The following RPS27L variants were observed in gnomAD, a reference collection of about 807,000 sequenced individuals.
RPS27L encodes the protein ribosomal protein eS27-like.
Under a neutral mutation model 12.8 loss-of-function variants are expected in RPS27L, and 10 were observed. The observed-to-expected ratio is 0.78, with a 90% confidence interval of 0.48 to 1.33. The LOEUF (loss-of-function observed/expected upper bound fraction) is 1.33, where lower values mean the gene tolerates loss of function less well. Among genes scored for constraint, RPS27L ranks in the 40% most tolerant of loss-of-function variants. The pLI is 0.00. For missense variants in RPS27L, 81 were observed against 97.4 expected, an observed-to-expected ratio of 0.83 and a Z score of 0.71; for synonymous variants, 26 against 32.3, an observed-to-expected ratio of 0.81 and a Z score of 0.66.
In RPS27L at chr15:63,153,947, G is replaced by T; in HGVS notation, c.*85C>A. 8.8e-7 allele frequency: 1 copy of T among 1,135,400 alleles called. No homozygotes were observed. The highest frequency in any genetic ancestry group is 1.3e-6 in the Non-Finnish European group (1 of 753,574). The allele number at this position is 1,135,400 out of a possible 1,614,324, so 70.3% of individuals were successfully genotyped here. ...AAACCAAATGTAATTACATTATCTTGGTAAATTAATTAGAATTATGGAATT... is the reference window on the plus strand; with the variant it reads ...AAACCAAATGTAATTACATTATCTTTGTAAATTAATTAGAATTATGGAATT... On this transcript the variant is annotated 3_prime_UTR_variant, in exon 4 of 4. Coordinates refer to ENST00000330964, the MANE Select transcript of RPS27L (RefSeq NM_015920.4).
chr15:63,153,136 G>A lies in RPS27L; in HGVS notation c.*896C>T, dbSNP rs1407193063. The A allele has an allele frequency of 1.3e-5, 2 of 152,154 alleles. No homozygotes were observed. The highest frequency in any genetic ancestry group is 4.8e-5 in the African/African-American group (2 of 41,428). 9.4% of individuals were successfully genotyped at this position (152,154 alleles called of 1,614,324 possible). A position where few individuals can be genotyped will look rare whatever the true frequency, so the allele number is the denominator to read the frequency against. The stretch of plus-strand genomic sequence containing the variant: ...TGTAGTCAGGAGTGCTCACCTATCT[G>A]GGCCAGAGAATTCAACACCATCTAC... On this transcript the variant is annotated 3_prime_UTR_variant, in exon 4 of 4. Transcript: ENST00000330964.
At position 63,149,683 on chromosome 15, in the gene RPS27L, GAAT is replaced by G. The variant is rs970809205; in HGVS notation, c.*4346_*4348del. ...TACAACTTTATATTCTGTGGTAGCA[GAAT>G]AATGGCCCTCTAAAGATTCCCACAC... On this transcript the variant is annotated 3_prime_UTR_variant, in exon 4 of 4. Coordinates refer to ENST00000330964, the MANE Select transcript of RPS27L (RefSeq NM_015920.4). 3.3e-5 allele frequency: 5 copies of G among 152,186 alleles called. No homozygotes were observed. The highest frequency in any genetic ancestry group is 1.2e-4 in the African/African-American group (5 of 41,502). 9.4% of individuals were successfully genotyped at this position (152,186 alleles called of 1,614,324 possible).
intron 1 of RPS27L, 32 bp downstream of exon 1, chr15:63,157,368 A>G (rs2037339851): frequency 1.2e-6 from 2 of 1,613,792 alleles, no homozygotes; most frequent in Non-Finnish European, 1.7e-6. Flanking sequence ...AGAAGCCCAA[A>G]ACAAACCCGG....
At chr15:63,156,315 C>G (rs947729615) in intron 2 of RPS27L, 98 bp downstream of exon 2, 2 of 625,428 alleles carry the variant, frequency 3.2e-6, no homozygotes, top group Non-Finnish European at 5.6e-6. Context: ...CCCACTTCTA[C>G]TCAACAGAGG....
chr15:63,152,364 G>T lies in RPS27L; in HGVS notation c.*1668C>A, dbSNP rs946191863. On this transcript the variant is annotated 3_prime_UTR_variant, in exon 4 of 4. Transcript: ENST00000330964. Reference sequence around the variant, plus strand: ...GTTGTTAGAACATAAGTTAATAAATGTAACTGTTAGGTATTTCTTTTGGCC... The same window carrying T: ...GTTGTTAGAACATAAGTTAATAAATTTAACTGTTAGGTATTTCTTTTGGCC... 6.6e-6 allele frequency: 1 copy of T among 151,918 alleles called. No individual in the cohort carries two copies. The highest frequency in any genetic ancestry group is 1.5e-5 in the Non-Finnish European group (1 of 68,006). 9.4% of individuals were successfully genotyped at this position (151,918 alleles called of 1,614,324 possible).
intron 1 of RPS27L, chr15:63,156,772 CCTT>C (rs2037335266): frequency 3.4e-6 from 2 of 589,482 alleles, no homozygotes; most frequent in Middle Eastern, 4.4e-4. Context: ...CAAACTTTGT[CCTT>C]CTTTACTCAA....
At chr15:63,154,885 G>T (rs1045388275) in intron 3 of RPS27L, 15 of 150,292 alleles carry the variant, frequency 1.0e-4, no homozygotes, top group African/African-American at 3.4e-4. Context: ...TTATATATTA[G>T]CTATCTGTTG....
chr15:63,153,840 G>T lies in RPS27L; in HGVS notation c.*192C>A. The stretch of plus-strand genomic sequence containing the variant: ...CATACTCAAATATATTTTAAAAAAA[G>T]AAAAAGAGGGGATTTGCCCATAATC... On this transcript the variant is annotated 3_prime_UTR_variant, in exon 4 of 4. Coordinates refer to ENST00000330964, the MANE Select transcript of RPS27L (RefSeq NM_015920.4). 1 of 540,658 alleles carries T rather than the reference G, an allele frequency of 1.8e-6. No homozygotes were observed. The allele number at this position is 540,658 out of a possible 1,614,324, so 33.5% of individuals were successfully genotyped here. A position where few individuals can be genotyped will look rare whatever the true frequency, so the allele number is the denominator to read the frequency against.
chr15:63,155,435 T>C, intron 3 of RPS27L, 186 bp downstream of exon 3: 1 of 426,960 alleles, frequency 2.3e-6, no homozygotes, highest in Non-Finnish European at 4.2e-6. Flanking sequence ...AATAAGTCAA[T>C]GGAGTTCACT....
chr15:63,155,558 G>A (rs762868215), intron 3 of RPS27L, 63 bp downstream of exon 3: 2 of 1,036,892 alleles, frequency 1.9e-6, no homozygotes, highest in Non-Finnish European at 1.4e-6. Flanking sequence ...ACTTTTCAGT[G>A]AAGATAGAGA....
Position 63,157,465 on chromosome 15 carries a change from G to A in RPS27L, c.-60C>T. 1.2e-6 allele frequency: 2 copies of A among 1,602,404 alleles called. No homozygotes were observed. The highest frequency in any genetic ancestry group is 1.7e-6 in the Non-Finnish European group (2 of 1,169,548). ...TCCCAGCCCACACAGCTAGCAAGCT[G>A]CAAGCGATCTGCGCTCGGCATCAAC... On this transcript the variant is annotated 5_prime_UTR_variant, in exon 1 of 4. Transcript: ENST00000330964.
At chr15:63,154,206 C>G (rs924318025) in intron 3 of RPS27L, 146 bp from the exon 4 acceptor site, 4 of 635,388 alleles carry the variant, frequency 6.3e-6, no homozygotes, top group African/African-American at 5.6e-5. Flanking sequence ...CCTTTTATAC[C>G]AGAAATTTGC....
Position 63,153,796 on chromosome 15 carries a change from C to A in RPS27L, c.*236G>T. 1.0e-5 allele frequency: 5 copies of A among 480,884 alleles called. No homozygotes were observed. The highest frequency in any genetic ancestry group is 3.7e-5 in the South Asian group (1 of 27,100). The allele number at this position is 480,884 out of a possible 1,614,324, so 29.8% of individuals were successfully genotyped here. The stretch of plus-strand genomic sequence containing the variant: ...ATGTTTAAACCAAATTCATATACAC[C>A]ATATATATAAATGTATGGCATACTC... On this transcript the variant is annotated 3_prime_UTR_variant, in exon 4 of 4. Coordinates refer to ENST00000330964, the MANE Select transcript of RPS27L (RefSeq NM_015920.4).
intron 1 of RPS27L, 116 bp downstream of exon 1, chr15:63,157,284 G>T: frequency 1.7e-6 from 2 of 1,176,106 alleles, no homozygotes; most frequent in Non-Finnish European, 2.5e-6. Flanking sequence ...CGCAACCTGA[G>T]CCGCCTCGCC....
rs2037291440 is a variant in RPS27L at position 63,150,240 on chromosome 15, C to T, written c.*3792G>A. The T allele has an allele frequency of 1.3e-5, 2 of 152,134 alleles. No homozygotes were observed. Among genetic ancestry groups the T allele is most frequent in the South Asian group, 2.1e-4 (1 of 4,830 alleles). The allele number at this position is 152,134 out of a possible 1,614,324, so 9.4% of individuals were successfully genotyped here. A position where few individuals can be genotyped will look rare whatever the true frequency, so the allele number is the denominator to read the frequency against. On this transcript the variant is annotated 3_prime_UTR_variant, in exon 4 of 4. Transcript: ENST00000330964. ...AAAACATTATGCTAAGTGAAACATACAGAAGCTACATACCATGTGATTCCA... is the reference window on the plus strand; with the variant it reads ...AAAACATTATGCTAAGTGAAACATATAGAAGCTACATACCATGTGATTCCA...
At position 63,150,548 on chromosome 15, in the gene RPS27L, A is replaced by T. The variant is rs1170357047; in HGVS notation, c.*3484T>A. 1 of 152,256 alleles carries T rather than the reference A, an allele frequency of 6.6e-6. No individual in the cohort carries two copies. The highest frequency in any genetic ancestry group is 1.5e-5 in the Non-Finnish European group (1 of 68,044). 9.4% of individuals were successfully genotyped at this position (152,256 alleles called of 1,614,324 possible). A position where few individuals can be genotyped will look rare whatever the true frequency, so the allele number is the denominator to read the frequency against. ...CAGAAAAATAAAACAGAAAGGAATT[A>T]GAGCTTTATCAGATGACTTACAGGA... On this transcript the variant is annotated 3_prime_UTR_variant, in exon 4 of 4. Transcript: ENST00000330964.
In RPS27L at chr15:63,152,755, A is replaced by T. The variant is rs1288105312; in HGVS notation, c.*1277T>A. Reference sequence around the variant, plus strand: ...GGTGATCCACCTGCCTCAGGCTCCCAAAGTGCTGGGATTACAGGTGTGAGC... The same window carrying T: ...GGTGATCCACCTGCCTCAGGCTCCCTAAGTGCTGGGATTACAGGTGTGAGC... On this transcript the variant is annotated 3_prime_UTR_variant, in exon 4 of 4. Transcript: ENST00000330964. 6.6e-6 allele frequency: 1 copy of T among 152,170 alleles called. No homozygotes were observed. The highest frequency in any genetic ancestry group is 1.5e-5 in the Non-Finnish European group (1 of 68,070). 9.4% of individuals were successfully genotyped at this position (152,170 alleles called of 1,614,324 possible).
rs192255949 is a variant in RPS27L, at chr15:63,154,148, C to T, written c.227-88G>A. 2.7e-3 allele frequency: 2,866 copies of T among 1,076,874 alleles called. 8 individuals are homozygous for T. Among genetic ancestry groups the T allele is most frequent in the Non-Finnish European group, 3.3e-3 (2,369 of 708,356 alleles). 66.7% of individuals were successfully genotyped at this position (1,076,874 alleles called of 1,614,324 possible). A position where few individuals can be genotyped will look rare whatever the true frequency, so the allele number is the denominator to read the frequency against. ...ACAAAAAGTACTTTTAAGTAAAATACTGAAGTTTTAAGAATATTGGATTAA... is the reference window on the plus strand; with the variant it reads ...ACAAAAAGTACTTTTAAGTAAAATATTGAAGTTTTAAGAATATTGGATTAA... On this transcript the variant is annotated intron_variant, in intron 3 of 3. Coordinates refer to ENST00000330964, the MANE Select transcript of RPS27L (RefSeq NM_015920.4).
rs1438131946 is a variant in RPS27L, at chr15:63,157,416, T to C, written c.-11A>G. 1.2e-6 allele frequency: 2 copies of C among 1,613,952 alleles called. No individual in the cohort carries two copies. Among genetic ancestry groups the C allele is most frequent in the Non-Finnish European group, 1.7e-6 (2 of 1,179,960 alleles). On this transcript the variant is annotated 5_prime_UTR_variant, in exon 1 of 4. Coordinates refer to ENST00000330964, the MANE Select transcript of RPS27L (RefSeq NM_015920.4). ...ACAACTCACAGGCATGTTGATCCTCTTGCAAGCTCAGCCCTACCAGACCTC... is the reference window on the plus strand; with the variant it reads ...ACAACTCACAGGCATGTTGATCCTCCTGCAAGCTCAGCCCTACCAGACCTC...
Sources: allele counts gnomAD v4.1 joint callset, GRCh38; gene constraint gnomAD v4.1.1; transcripts MANE v1.5; gene names NCBI Gene and HGNC (gene_info 2026-07-23, HGNC 2026-07-21).